The following PEG3 variants were observed in gnomAD, a reference collection of about 807,000 sequenced individuals.
The protein encoded by PEG3 is paternally expressed 3, also known as paternally-expressed gene 3 protein.
PEG3 carries 23 observed loss-of-function variants against 35.5 expected under a neutral mutation model. That is an observed-to-expected ratio of 0.65 (90% CI 0.47 to 0.92). PEG3 has a LOEUF of 0.92. Among genes scored for constraint, PEG3 ranks in the 40% least tolerant of loss-of-function variants. The pLI, the probability that PEG3 is intolerant of heterozygous loss-of-function variation, is 0.00. For synonymous variants in PEG3, 707 were observed against 697.0 expected (o/e 1.01, Z -0.23); for missense variants, 1,960 against 1,985.3 (o/e 0.99, Z 0.24).
Position 56,813,694 on chromosome 19 carries a change from T to C in PEG3, c.4748A>G (p.Gln1583Arg). Residue 1583 changes from glutamine (Q) to arginine (R), a missense_variant, in exon 10 of 10, where the codon CAG becomes CGG. Around this residue, in one of 5 missense-constraint regions of PEG3, gnomAD observed 416 missense variants for 416.7 expected, o/e 1.00. Coordinates refer to ENST00000326441, the MANE Select transcript of PEG3 (RefSeq NM_006210.3). ...ATGCCCTCAGCCAGTGTGGGTATTC[T>C]GGTGTCTGGCGAGGGACAGGCGGTC... is the stretch of plus-strand genomic sequence containing the variant. The part of the protein sequence containing the change: ...FNDRLSLARH[Q>R]NTHTG The C allele has an allele frequency of 2.5e-6, 4 of 1,613,440 alleles. No homozygotes were observed. The highest frequency in any genetic ancestry group is 3.4e-6 in the Non-Finnish European group (4 of 1,179,432).
rs1374923441 is a variant in PEG3, at chr19:56,813,795, G to T, written c.4647C>A (p.Ala1549=). The part of the protein sequence containing the change: ...FGECSGYIER[A]STSTGGANQA... ...GATTGGCACCACCTGTGCTGGTGCT[G>T]GCACGTTCGATGTAGCCTGAGCACT... The change falls in exon 10 of 10, where the codon GCC becomes GCA. Residue 1549 remains alanine (A), a synonymous_variant. Coordinates refer to ENST00000326441, the MANE Select transcript of PEG3 (RefSeq NM_006210.3). 6.2e-7 allele frequency: 1 copy of T among 1,614,060 alleles called. No individual in the cohort carries two copies. The highest frequency in any genetic ancestry group is 1.1e-5 in the South Asian group (1 of 91,084).
chr19:56,815,080 T>C lies in PEG3; in HGVS notation c.3362A>G (p.Asp1121Gly). The change falls in exon 10 of 10, where the codon GAC (aspartate) becomes GGC (glycine). Residue 1121 changes from aspartate (D) to glycine (G), a missense_variant. Physicochemically the swap from Asp to Gly is moderately conservative, Grantham distance 94. Around this residue, in one of 5 missense-constraint regions of PEG3, gnomAD observed 124 missense variants for 179.6 expected, o/e 0.69. Coordinates refer to ENST00000326441, the MANE Select transcript of PEG3 (RefSeq NM_006210.3). ...GTGGACTTTCTGATGGTCTGTGAGG[T>C]CTGTGAGATCCACAAAGCCCAGGCC... ...DCGLGFVDLT[D>G]LTDHQKVHSR... 1 of 1,613,804 alleles carries C rather than the reference T, an allele frequency of 6.2e-7. No individual in the cohort carries two copies. The highest frequency in any genetic ancestry group is 1.3e-5 in the African/African-American group (1 of 75,036).
In PEG3 at chr19:56,815,653, C is replaced by T. The variant is rs200205197; in HGVS notation, c.2789G>A (p.Arg930His). 28 of 1,614,068 alleles carry T rather than the reference C, an allele frequency of 1.7e-5. No individual in the cohort carries two copies. Among genetic ancestry groups the T allele is most frequent in the African/African-American group, 1.1e-4 (8 of 75,028 alleles). ...TTTAGCACGAGCCTTCTGGTATTCA[C>T]GGACATTTGAGCTGGGAACAGAGAA... ...GEFSVPSSNV[R>H]EYQKARAKKK... Residue 930 changes from arginine to histidine, a missense_variant, in exon 10 of 10, where the codon CGT becomes CAT. By Grantham distance (29) the Arg-to-His change is conservative (BLOSUM62 0). Coordinates refer to ENST00000326441, the MANE Select transcript of PEG3 (RefSeq NM_006210.3).
Position 56,824,738 on chromosome 19 carries a change from G to A in PEG3, c.-83C>T. 2 of 1,330,596 alleles carry A rather than the reference G, an allele frequency of 1.5e-6. No homozygotes were observed. The highest frequency in any genetic ancestry group is 2.3e-5 in the East Asian group (1 of 43,250). The allele number at this position is 1,330,596 out of a possible 1,614,324, so 82.4% of individuals were successfully genotyped here. On this transcript the variant is annotated 5_prime_UTR_variant, in exon 4 of 10. Coordinates refer to ENST00000326441, the MANE Select transcript of PEG3 (RefSeq NM_006210.3). ...GCAGCCTGTGACCGTCAGTACTCAG[G>A]GACCTGTGGATCGTAAGGAGATATA... is the stretch of plus-strand genomic sequence containing the variant.
Position 56,814,643 on chromosome 19 carries a change from A to G in PEG3, c.3799T>C (p.Leu1267=), listed in dbSNP as rs1347842620. The change falls in exon 10 of 10, where the codon TTA becomes CTA. Residue 1267 remains leucine, a synonymous_variant. Transcript: ENST00000326441. This position sits in a 1 kb window ranked among gnomAD's most constrained non-coding sequence, Gnocchi z 5.8. ...QMAEEAIIPG[L]ALTEFQRSQT... is the part of the protein sequence containing the mutation. ...CTTCTCTGAAACTCAGTGAGGGCTA[A>G]GCCTGGAATGATAGCTTCCTCAGCC... 2 of 1,614,174 alleles carry G rather than the reference A, an allele frequency of 1.2e-6. No homozygotes were observed. The highest frequency in any genetic ancestry group is 1.7e-6 in the Non-Finnish European group (2 of 1,180,022).
At chr19:56,840,349 A>G (rs947388584) in intron 1 of PEG3, among the ~76,000 whole-genome samples, 1 of 151,708 alleles carries the variant, frequency 6.6e-6, no homozygotes, top group African/African-American at 2.4e-5. Flanking sequence ...GGCTGCGCCC[A>G]CCCCTGCCCC....
At position 56,814,176 on chromosome 19, in the gene PEG3, A is replaced by G; in HGVS notation, c.4266T>C (p.Ala1422=). The G allele has an allele frequency of 3.1e-6, 5 of 1,614,032 alleles. No individual in the cohort carries two copies. The highest frequency in any genetic ancestry group is 4.2e-6 in the Non-Finnish European group (5 of 1,180,010). Residue 1422 remains alanine, a synonymous_variant, in exon 10 of 10, where the codon GCT becomes GCC. Transcript: ENST00000326441. The surrounding 1 kb of genome is among the most constrained non-coding windows in gnomAD (Gnocchi z 5.8). ...CTGCAGCCTCTCCATCTGGCCCTTCAGCCTCTCCGTTTGGCTCAGCAGCCT... is the reference window on the plus strand; with the variant it reads ...CTGCAGCCTCTCCATCTGGCCCTTCGGCCTCTCCGTTTGGCTCAGCAGCCT... The part of the protein sequence containing the change: ...EVEAAEPNGE[A]EGPDGEAAEP...
At position 56,815,635 on chromosome 19, in the gene PEG3, C is replaced by T. The variant is rs140722468; in HGVS notation, c.2807G>A (p.Arg936His). 53 of 1,614,108 alleles carry T rather than the reference C, an allele frequency of 3.3e-5. No homozygotes were observed. The highest frequency in any genetic ancestry group is 6.7e-5 in the East Asian group (3 of 44,876). The change falls in exon 10 of 10, where the codon CGT (arginine) becomes CAT (histidine). Residue 936 changes from arginine (R) to histidine (H), a missense_variant. Coordinates refer to ENST00000326441, the MANE Select transcript of PEG3 (RefSeq NM_006210.3). ...SSNVREYQKA[R>H]AKKKYIEHRS... Reference sequence around the variant, plus strand: ...ATGCTCAATGTATTTCTTTTTAGCACGAGCCTTCTGGTATTCACGGACATT... The same window carrying T: ...ATGCTCAATGTATTTCTTTTTAGCATGAGCCTTCTGGTATTCACGGACATT...
chr19:56,817,761 G>C lies in PEG3; in HGVS notation c.847C>G (p.Pro283Ala), dbSNP rs1172154496. 1.2e-6 allele frequency: 2 copies of C among 1,613,984 alleles called. No homozygotes were observed. Among genetic ancestry groups the C allele is most frequent in the South Asian group, 2.2e-5 (2 of 91,060 alleles). ...TCCTGCTTACCTCGACTGGTGCTTG[G>C]GTAGGCACTTCTCTTGGATCTTGAT... ...HSSRSKRSAY[P>A]STSRGLKTMP... Residue 283 changes from proline to alanine, a missense_variant, in exon 9 of 10, where the codon CCA (proline) becomes GCA (alanine). Around this residue, in one of 5 missense-constraint regions of PEG3, gnomAD observed 613 missense variants for 577.1 expected, o/e 1.06. Transcript: ENST00000326441.
In PEG3 at chr19:56,814,429, C is replaced by T. The variant is rs1263721676; in HGVS notation, c.4013G>A (p.Gly1338Asp). 2.5e-6 allele frequency: 4 copies of T among 1,613,518 alleles called. No individual in the cohort carries two copies. The highest frequency in any genetic ancestry group is 1.1e-5 in the South Asian group (1 of 91,074). ...GACTGTGCTATGAATAAAGGACTTA[C>T]CACAATCCTTGCATTCATAGAATGG... ...AIPFYECKDCGKSFIHSTVLT... is the reference protein window; with the variant it reads ...AIPFYECKDCDKSFIHSTVLT... The change falls in exon 10 of 10, where the codon GGT (glycine) becomes GAT (aspartate). Residue 1338 changes from glycine to aspartate, a missense_variant. Around this residue, in one of 5 missense-constraint regions of PEG3, gnomAD observed 416 missense variants for 416.7 expected, o/e 1.00. Transcript: ENST00000326441. The surrounding 1 kb of genome is among the most constrained non-coding windows in gnomAD (Gnocchi z 5.8).
chr19:56,832,385 G>C (rs1018232234), intron 2 of PEG3, among the ~76,000 whole-genome samples: 4 of 151,952 alleles, frequency 2.6e-5, no homozygotes, highest in African/African-American at 9.7e-5. Context: ...ACCACAGAGG[G>C]GGCTAACACG....
At chr19:56,819,045 G>C (rs1186814981) in intron 7 of PEG3, among the ~76,000 whole-genome samples, 1 of 152,232 alleles carries the variant, frequency 6.6e-6, no homozygotes, top group African/African-American at 2.4e-5. Context: ...TAGAGGGACA[G>C]TTCAGGGTGG....
intron 1 of PEG3, among the ~76,000 whole-genome samples, chr19:56,839,905 G>C (rs1290147073): frequency 6.6e-6 from 1 of 152,256 alleles, no homozygotes; most frequent in Admixed American, 6.5e-5. Context: ...AACCAACCAA[G>C]GCAGCTCCTG....
In PEG3 at chr19:56,817,780, T is replaced by A; in HGVS notation, c.828A>T (p.Arg276Ser). 1 of 1,614,134 alleles carries A rather than the reference T, an allele frequency of 6.2e-7. No individual in the cohort carries two copies. Among genetic ancestry groups the A allele is most frequent in the South Asian group, 1.1e-5 (1 of 91,072 alleles). Residue 276 changes from arginine to serine, a missense_variant, in exon 9 of 10, where the codon AGA (arginine) becomes AGT (serine). Arg to Ser is a moderately radical substitution (Grantham distance 110). This residue lies in a region of PEG3 where 613 missense variants were observed against 577.1 expected (regional missense o/e 1.06). Transcript: ENST00000326441. Reference sequence around the variant, plus strand: ...TGCTTGGGTAGGCACTTCTCTTGGATCTTGATGAGTGGCCCTGCGTCATGT... The same window carrying A: ...TGCTTGGGTAGGCACTTCTCTTGGAACTTGATGAGTGGCCCTGCGTCATGT... ...HSHMTQGHSS[R>S]SKRSAYPSTS...
chr19:56,823,495 G>T, intron 5 of PEG3, 98 bp downstream of exon 5: 1 of 1,416,194 alleles, frequency 7.1e-7, no homozygotes, highest in Non-Finnish European at 9.9e-7. Context: ...CGGGGATGGC[G>T]GGTCATCTTC....
Position 56,813,669 on chromosome 19 carries a change from A to C in PEG3, c.*6T>G. On this transcript the variant is annotated 3_prime_UTR_variant, in exon 10 of 10. Transcript: ENST00000326441. ...GTGAAGGTTTTCTAACCTTTACCCC[A>C]TGCCCTCAGCCAGTGTGGGTATTCT... is the stretch of plus-strand genomic sequence containing the variant. The C allele has an allele frequency of 6.2e-7, 1 of 1,609,438 alleles. No homozygotes were observed. Among genetic ancestry groups the C allele is most frequent in the Non-Finnish European group, 8.5e-7 (1 of 1,176,408 alleles).
rs116592661 is a variant in PEG3, at chr19:56,829,517, G to C, written c.-162-3054C>G. Among the ~76,000 whole-genome samples, 237 of 152,336 alleles carry C rather than the reference G, an allele frequency of 1.6e-3. 2 individuals carry two copies. Among genetic ancestry groups the C allele is most frequent in the African/African-American group, 5.5e-3 (228 of 41,566 alleles). On this transcript the variant is annotated intron_variant, in intron 2 of 9. Coordinates refer to ENST00000326441, the MANE Select transcript of PEG3 (RefSeq NM_006210.3). ...CACTGACAGGGAAACGTGTTCTGTT[G>C]TGTTACTGCTATGTAACCACAGTCC...
chr19:56,810,170 A>G lies in PEG3; in HGVS notation c.*3505T>C. 1.0e-6 allele frequency: 1 copy of G among 981,072 alleles called. No individual in the cohort carries two copies. The highest frequency in any genetic ancestry group is 1.2e-6 in the Non-Finnish European group (1 of 825,954). The allele number at this position is 981,072 out of a possible 1,614,324, so 60.8% of individuals were successfully genotyped here. ...ACAAACCAAAAACCTGTGCACAGAAACAAGATGAAGAAAATATATCAAGAT... is the reference window on the plus strand; with the variant it reads ...ACAAACCAAAAACCTGTGCACAGAAGCAAGATGAAGAAAATATATCAAGAT... On this transcript the variant is annotated 3_prime_UTR_variant, in exon 10 of 10. Transcript: ENST00000326441.
rs1349091754 is a variant in PEG3 at position 56,813,697 on chromosome 19, T to G, written c.4745A>C (p.His1582Pro). The change falls in exon 10 of 10, where the codon CAC (histidine) becomes CCC (proline). Residue 1582 changes from histidine (H) to proline (P), a missense_variant. By Grantham distance (77) the His-to-Pro change is moderately conservative (BLOSUM62 -2). Around this residue, in one of 5 missense-constraint regions of PEG3, gnomAD observed 416 missense variants for 416.7 expected, o/e 1.00. Coordinates refer to ENST00000326441, the MANE Select transcript of PEG3 (RefSeq NM_006210.3). ...LFNDRLSLARHQNTHTG is the reference protein window; with the variant it reads ...LFNDRLSLARPQNTHTG ...CCCTCAGCCAGTGTGGGTATTCTGG[T>G]GTCTGGCGAGGGACAGGCGGTCATT... The G allele has an allele frequency of 6.2e-7, 1 of 1,613,380 alleles. No homozygotes were observed. Among genetic ancestry groups the G allele is most frequent in the Non-Finnish European group, 8.5e-7 (1 of 1,179,480 alleles).
Sources: gnomAD v4.1 joint callset for allele counts (sites outside exome capture counted in the v4.1 genomes callset) on GRCh38, gnomAD v4.1.1 for gene constraint, gnomAD v4.1.1 regional missense constraint, Gnocchi (gnomAD v3.1) non-coding constraint, MANE v1.5 for transcripts, NCBI Gene and HGNC (gene_info 2026-07-23, HGNC 2026-07-21) for gene names.